The following TMBIM6 variants were observed in gnomAD, a reference collection of about 807,000 sequenced individuals.
The protein encoded by TMBIM6 is bax inhibitor 1.
In TMBIM6, 13 loss-of-function variants were observed where a neutral mutation model predicts 31.4. That is an observed-to-expected ratio of 0.41 (90% CI 0.27 to 0.66). The LOEUF (loss-of-function observed/expected upper bound fraction) is 0.66, where lower values mean the gene tolerates loss of function less well. Among genes scored for constraint, TMBIM6 ranks in the 30% least tolerant of loss-of-function variants. The probability of loss-of-function intolerance (pLI) is 0.28; values close to 1 mark genes in which losing one functional copy is unlikely to be tolerated. For synonymous variants in TMBIM6, 85 were observed against 101.7 expected (o/e 0.84, Z 0.99); for missense variants, 275 against 289.5 (o/e 0.95, Z 0.36).
Position 49,755,695 on chromosome 12 carries a change from C to T in TMBIM6, c.226C>T (p.His76Tyr). ...ILMIWLMATP[H>Y]SHETEQKRLG... ...GATGATTTGGCTGATGGCAACACCT[C>T]ATAGCCATGAAACTGAACAGAAAAG... The change falls in exon 4 of 10, where the codon CAT becomes TAT. Residue 76 changes from histidine to tyrosine, a missense_variant. Transcript: ENST00000267115. 4 of 1,614,172 alleles carry T rather than the reference C, an allele frequency of 2.5e-6. No homozygotes were observed. The highest frequency in any genetic ancestry group is 3.4e-6 in the Non-Finnish European group (4 of 1,179,994).
intron 1 of TMBIM6, among the ~76,000 whole-genome samples, chr12:49,750,013 T>G (rs1023502280): frequency 6.6e-6 from 1 of 152,236 alleles, no homozygotes; most frequent in African/African-American, 2.4e-5. Context: ...TTAGTTATTT[T>G]TTAATGATTT....
At position 49,759,295 on chromosome 12, in the gene TMBIM6, C is replaced by A; in HGVS notation, c.588C>A (p.Ala196=). 1.2e-6 allele frequency: 2 copies of A among 1,613,902 alleles called. No homozygotes were observed. The highest frequency in any genetic ancestry group is 8.5e-7 in the Non-Finnish European group (1 of 1,179,944). The change falls in exon 8 of 10, where the codon GCC becomes GCA. Residue 196 remains alanine, a synonymous_variant. Transcript: ENST00000267115. ...LFDTQLIIEK[A]EHGDQDYIWH... is the part of the protein sequence containing the mutation. ...ATACTCAACTCATTATTGAAAAGGC[C>A]GAACATGGAGATCAAGATTATATCT...
intron 1 of TMBIM6, among the ~76,000 whole-genome samples, chr12:49,743,901 G>A (rs957281582): frequency 6.6e-6 from 1 of 152,126 alleles, no homozygotes; most frequent in Non-Finnish European, 1.5e-5. Flanking sequence ...AGTACTTTAC[G>A]TTGATTTCAC....
At chr12:49,742,199 A>G (rs1360845909) in intron 1 of TMBIM6, 10 of 1,613,078 alleles carry the variant, frequency 6.2e-6, no homozygotes, top group Non-Finnish European at 7.6e-6. Flanking sequence ...AGAGGCGGGA[A>G]GTGAGAGGAG....
intron 1 of TMBIM6, among the ~76,000 whole-genome samples, chr12:49,747,383 ACT>A (rs1244522420): frequency 3.9e-5 from 6 of 152,152 alleles, no homozygotes; most frequent in African/African-American, 1.4e-4. Context: ...ATGATGGCTC[ACT>A]GCAGCCTGAA....
At chr12:49,755,182 C>A (rs766111709) in intron 3 of TMBIM6, among the ~76,000 whole-genome samples, 7 of 152,132 alleles carry the variant, frequency 4.6e-5, no homozygotes, top group Non-Finnish European at 1.0e-4. Flanking sequence ...GTCTCGAACT[C>A]CTGATCTCAG....
intron 4 of TMBIM6, among the ~76,000 whole-genome samples, chr12:49,757,621 T>G (rs1393590419): frequency 6.6e-6 from 1 of 152,240 alleles, no homozygotes; most frequent in Non-Finnish European, 1.5e-5. Flanking sequence ...GGAGAAATTT[T>G]AGAAAGGAAG....
At position 49,761,693 on chromosome 12, in the gene TMBIM6, T is replaced by A. The variant is rs762695163; in HGVS notation, c.615-11T>A. On this transcript the variant is annotated splice_polypyrimidine_tract_variant and intron_variant, in intron 8 of 9. Transcript: ENST00000267115. Reference sequence around the variant, plus strand: ...TGAAGTACAGATCCTAATCTGGTTCTTGCCTTTCAGGCACTGCATTGATCT... The same window carrying A: ...TGAAGTACAGATCCTAATCTGGTTCATGCCTTTCAGGCACTGCATTGATCT... 5.0e-6 allele frequency: 8 copies of A among 1,613,502 alleles called. No individual in the cohort carries two copies. The African/African-American group carries it at 1.1e-4, about 22-fold the overall frequency.
chr12:49,757,227 A>G (rs59556663), intron 4 of TMBIM6, among the ~76,000 whole-genome samples: 12,801 of 151,972 alleles, frequency 0.084, 654 homozygotes, highest in African/African-American at 0.11. Flanking sequence ...ATTAGGGGAA[A>G]CTCTGTGAGT....
chr12:49,757,716 A>G (rs1290088209), intron 4 of TMBIM6, among the ~76,000 whole-genome samples: 1 of 152,236 alleles, frequency 6.6e-6, no homozygotes. Flanking sequence ...GAAAGAGGAA[A>G]GTAATTAGAA....
In TMBIM6 at chr12:49,762,890, G is replaced by A. The variant is rs1945746944; in HGVS notation, c.708G>A (p.Lys236=). 7 of 1,612,910 alleles carry A rather than the reference G, an allele frequency of 4.3e-6. No individual in the cohort carries two copies. In the East Asian group the frequency reaches 1.6e-4, roughly 36 times the overall value. ...ATTTCTAGGATAAGAAGAAAGAGAA[G>A]AAATGAAGTGACCATCCAGCCTTTC... The part of the protein sequence containing the change: ...AMNEKDKKKE[K]K Residue 236 remains lysine (K), a synonymous_variant, in exon 10 of 10, where the codon AAG becomes AAA. Coordinates refer to ENST00000267115, the MANE Select transcript of TMBIM6 (RefSeq NM_003217.3).
Position 49,762,968 on chromosome 12 carries a change from A to T in TMBIM6, c.*72A>T, listed in dbSNP as rs1945748868. 1.0e-5 allele frequency: 15 copies of T among 1,496,014 alleles called. No homozygotes were observed. Among genetic ancestry groups the T allele is most frequent in the Non-Finnish European group, 1.4e-5 (15 of 1,078,138 alleles). 92.7% of individuals were successfully genotyped at this position (1,496,014 alleles called of 1,614,324 possible). A position where few individuals can be genotyped will look rare whatever the true frequency, so the allele number is the denominator to read the frequency against. ...CTCATTTCCTTTTTGCACACATTAC[A>T]GGTGGTGTGTTCTGTGATAATGAAA... On this transcript the variant is annotated 3_prime_UTR_variant, in exon 10 of 10. Transcript: ENST00000267115.
intron 4 of TMBIM6, among the ~76,000 whole-genome samples, chr12:49,756,465 G>A (rs1389214680): frequency 1.8e-5 from 2 of 113,314 alleles, no homozygotes; most frequent in African/African-American, 7.2e-5. Flanking sequence ...TTTTTTTTAA[G>A]ATGGAGTCTC....
In TMBIM6 at chr12:49,755,621, T is replaced by G. The variant is rs180677147; in HGVS notation, c.166-14T>G. 6.2e-7 allele frequency: 1 copy of G among 1,610,252 alleles called. No individual in the cohort carries two copies. The highest frequency in any genetic ancestry group is 1.7e-5 in the Admixed American group (1 of 58,714). On this transcript the variant is annotated splice_polypyrimidine_tract_variant and intron_variant, in intron 3 of 9. Transcript: ENST00000267115. ...TTCAAGTGTTTAATGATTGATTGATTCTGACTCTAACAGGCTGGCCTGCTG... is the reference window on the plus strand; with the variant it reads ...TTCAAGTGTTTAATGATTGATTGATGCTGACTCTAACAGGCTGGCCTGCTG...
intron 3 of TMBIM6, among the ~76,000 whole-genome samples, chr12:49,754,225 G>C (rs1945548345): frequency 6.6e-6 from 1 of 152,078 alleles, no homozygotes; most frequent in South Asian, 2.1e-4. Flanking sequence ...GGGCTCAATT[G>C]ATCCTCGCAC....
At chr12:49,756,811 A>AC (rs1945607111) in intron 4 of TMBIM6, among the ~76,000 whole-genome samples, 1 of 150,656 alleles carries the variant, frequency 6.6e-6, no homozygotes, top group Non-Finnish European at 1.5e-5. Context: ...ATCTTGGCTC[A>AC]CTGCAGCCTC....
chr12:49,756,864 A>G (rs1945608771), intron 4 of TMBIM6, among the ~76,000 whole-genome samples: 1 of 151,670 alleles, frequency 6.6e-6, no homozygotes, highest in Non-Finnish European at 1.5e-5. Context: ...AGCCTCCCGA[A>G]TAGCTGGGAT....
At chr12:49,746,419 C>T (rs536300191) in intron 1 of TMBIM6, among the ~76,000 whole-genome samples, 3 of 152,228 alleles carry the variant, frequency 2.0e-5, no homozygotes, top group African/African-American at 7.2e-5. Context: ...GTAATGAGTA[C>T]ACCAGTAATA....
At chr12:49,755,578 C>A in intron 3 of TMBIM6, 57 bp from the exon 4 acceptor site, 1 of 1,598,590 alleles carries the variant, frequency 6.3e-7, no homozygotes, top group Non-Finnish European at 8.5e-7. Context: ...AGGTCTCTTG[C>A]AAAATAAATT....
Sources: allele counts gnomAD v4.1 joint callset (sites outside exome capture counted in the v4.1 genomes callset), GRCh38; gene constraint gnomAD v4.1.1; transcripts MANE v1.5; gene names NCBI Gene and HGNC (gene_info 2026-07-23, HGNC 2026-07-21).